Variants in SOBP observed in about 807,000 individuals in gnomAD.
The protein encoded by SOBP is sine oculis binding protein homolog.
SOBP carries 4 observed loss-of-function variants against 53.6 expected under a neutral mutation model. The ratio of observed to expected loss-of-function variants is 0.07; its 90% CI spans 0.04 to 0.17. SOBP has a LOEUF of 0.17. Among genes scored for constraint, SOBP ranks in the 10% least tolerant of loss-of-function variants. The pLI, the probability that SOBP is intolerant of heterozygous loss-of-function variation, is 1.00. For missense variants in SOBP, 1,088 were observed against 1,204.7 expected, an observed-to-expected ratio of 0.90 and a Z score of 1.43; for synonymous variants, 584 against 522.6, an observed-to-expected ratio of 1.12 and a Z score of -1.60.
At chr6:107,529,192 G>T (rs1783750182) in intron 3 of SOBP, among the ~76,000 whole-genome samples, 2 of 152,212 alleles carry the variant, frequency 1.3e-5, no homozygotes, top group South Asian at 4.1e-4. Context: ...GTTTGGAATT[G>T]AATTATTTCA....
In SOBP at chr6:107,599,002, A is replaced by G. The variant is rs543335898; in HGVS notation, c.669+11827A>G. Reference sequence around the variant, plus strand: ...CCAGAGTGATTCAGGGATCAGTACGATTTAAACTACACAAATGCAAAGTAG... The same window carrying G: ...CCAGAGTGATTCAGGGATCAGTACGGTTTAAACTACACAAATGCAAAGTAG... On this transcript the variant is annotated intron_variant, in intron 5 of 6. Transcript: ENST00000317357. Among the ~76,000 whole-genome samples, 38 of 152,316 alleles carry G rather than the reference A, an allele frequency of 2.5e-4. No individual in the cohort carries two copies. The South Asian group carries it at 7.5e-3, about 30-fold the overall frequency.
intron 1 of SOBP, among the ~76,000 whole-genome samples, chr6:107,500,607 C>T (rs1034993251): frequency 1.4e-4 from 21 of 151,596 alleles, no homozygotes; most frequent in Admixed American, 2.0e-4. Context: ...CTGCAAGCTC[C>T]GCCTCCCGGG....
intron 5 of SOBP, among the ~76,000 whole-genome samples, chr6:107,593,328 C>T (rs1562087333): frequency 6.6e-6 from 1 of 152,198 alleles, no homozygotes; most frequent in Non-Finnish European, 1.5e-5. Context: ...CTTGATTTGG[C>T]AGGCTCTCCT....
intron 4 of SOBP, among the ~76,000 whole-genome samples, chr6:107,557,549 G>A (rs190910640): frequency 6.6e-6 from 1 of 152,330 alleles, no homozygotes; most frequent in East Asian, 1.9e-4. Flanking sequence ...CTGTATATCA[G>A]ACTCGGTCAA....
chr6:107,537,833 AAAAAGATCG>A (rs1220904467), intron 4 of SOBP, among the ~76,000 whole-genome samples: 1 of 152,018 alleles, frequency 6.6e-6, no homozygotes, highest in East Asian at 1.9e-4. Context: ...AAAAAAAAAA[AAAAAGATCG>A]AAATACTTCT....
chr6:107,532,915 G>A (rs965649884), intron 3 of SOBP, among the ~76,000 whole-genome samples: 3 of 152,134 alleles, frequency 2.0e-5, no homozygotes, highest in Non-Finnish European at 2.9e-5. Context: ...TTGACTAAAC[G>A]TGTTGCTTGG....
chr6:107,522,781 C>T lies in SOBP; in HGVS notation c.422-10678C>T, dbSNP rs1783552316. 2.0e-5 allele frequency among the ~76,000 whole-genome samples: 3 copies of T among 151,908 alleles called. No individual in the cohort carries two copies. The South Asian group carries it at 6.2e-4, about 32-fold the overall frequency. ...CTGGTCTCAAACTCCTGGGCTCAAG[C>T]AGTCCACATGCTTTGGCCCCAGAAA... On this transcript the variant is annotated intron_variant, in intron 3 of 6. Coordinates refer to ENST00000317357, the MANE Select transcript of SOBP (RefSeq NM_018013.4).
chr6:107,655,549 G>A (rs777090604), intron 6 of SOBP, among the ~76,000 whole-genome samples: 5 of 152,184 alleles, frequency 3.3e-5, no homozygotes, highest in East Asian at 1.9e-4. Flanking sequence ...AATAAGCTTC[G>A]TGTGAGCAAG....
At chr6:107,584,447 C>T (rs376404241) in intron 4 of SOBP, among the ~76,000 whole-genome samples, 9 of 152,136 alleles carry the variant, frequency 5.9e-5, no homozygotes, top group African/African-American at 1.2e-4. Context: ...CACAAATACA[C>T]GTGAAGGTGA....
In SOBP at chr6:107,506,331, A is replaced by C. The variant is rs1266082726; in HGVS notation, c.325A>C (p.Asn109His). The C allele has an allele frequency of 6.2e-7, 1 of 1,614,172 alleles. No individual in the cohort carries two copies. Among genetic ancestry groups the C allele is most frequent in the East Asian group, 2.2e-5 (1 of 44,874 alleles). ...STGYSGLATG[N>H]GLSDSPAGSK... is the part of the protein sequence containing the mutation. ...AGGCTATTCAGGGCTTGCCACTGGAAATGGACTCAGTGACTCACCTGCAGG... is the reference window on the plus strand; with the variant it reads ...AGGCTATTCAGGGCTTGCCACTGGACATGGACTCAGTGACTCACCTGCAGG... Residue 109 changes from asparagine (N) to histidine (H), a missense_variant, in exon 3 of 7, where the codon AAT (asparagine) becomes CAT (histidine). Asn to His is a moderately conservative substitution (Grantham distance 68). This residue lies in a region of SOBP where 112 missense variants were observed against 117.9 expected (regional missense o/e 0.95). Coordinates refer to ENST00000317357, the MANE Select transcript of SOBP (RefSeq NM_018013.4).
At chr6:107,649,335 A>G (rs1562127159) in intron 6 of SOBP, among the ~76,000 whole-genome samples, 1 of 151,974 alleles carries the variant, frequency 6.6e-6, no homozygotes, top group Non-Finnish European at 1.5e-5. Context: ...TCAGAAAAAA[A>G]TTAGCCAGGC....
chr6:107,607,584 T>C (rs1227230501), intron 5 of SOBP, among the ~76,000 whole-genome samples: 3 of 152,198 alleles, frequency 2.0e-5, no homozygotes, highest in Non-Finnish European at 2.9e-5. Flanking sequence ...CTAGCACTTA[T>C]CAAACTGAAT....
intron 6 of SOBP, among the ~76,000 whole-genome samples, chr6:107,641,742 A>G (rs925168672): frequency 6.6e-6 from 1 of 152,190 alleles, no homozygotes; most frequent in African/African-American, 2.4e-5. Flanking sequence ...ACCATGTTCA[A>G]TCATTTACAC....
chr6:107,624,514 C>T (rs1367897342), intron 5 of SOBP, among the ~76,000 whole-genome samples: 1 of 152,172 alleles, frequency 6.6e-6, no homozygotes. Context: ...TGCTGGGAGA[C>T]CCTGGCAAAC....
In SOBP at chr6:107,505,969, A is replaced by G. The variant is rs563449355; in HGVS notation, c.236-273A>G. On this transcript the variant is annotated intron_variant, in intron 2 of 6. Transcript: ENST00000317357. ...CCCAGCCACCACCTCTCAATTTTCT[A>G]TGGAATTTTACAGTGCTAAAATTTA... Among the ~76,000 whole-genome samples, 19 of 152,130 alleles carry G rather than the reference A, an allele frequency of 1.2e-4. 1 individual carries two copies. The highest frequency in any genetic ancestry group is 2.4e-4 in the Non-Finnish European group (16 of 68,026).
At chr6:107,512,636 A>G (rs1019022243) in intron 3 of SOBP, among the ~76,000 whole-genome samples, 7 of 152,254 alleles carry the variant, frequency 4.6e-5, no homozygotes, top group African/African-American at 1.7e-4. Context: ...TTCTGGTCAA[A>G]GTAGCCAGGG....
rs181790942 is a variant in SOBP at position 107,517,702 on chromosome 6, C to A, written c.421+11275C>A. On this transcript the variant is annotated intron_variant, in intron 3 of 6. Transcript: ENST00000317357. ...TGTATGTTGATTCTCTACTTCACAT[C>A]ATTCATAACAAATTGTAGATGGATT... Among the ~76,000 whole-genome samples, 3 of 152,284 alleles carry A rather than the reference C, an allele frequency of 2.0e-5. No individual in the cohort carries two copies. In the East Asian group the frequency reaches 5.8e-4, roughly 29 times the overall value.
chr6:107,563,949 A>C lies in SOBP; in HGVS notation c.574-23131A>C, dbSNP rs866325393. Among the ~76,000 whole-genome samples, 4 of 152,324 alleles carry C rather than the reference A, an allele frequency of 2.6e-5. No homozygotes were observed. In the South Asian group the frequency reaches 6.2e-4, roughly 24 times the overall value. ...TAGGGTTGCGGAGCCTCTCTGGAAC[A>C]CTTCCAAAGGCAGGAACTAGTATCC... is the stretch of plus-strand genomic sequence containing the variant. On this transcript the variant is annotated intron_variant, in intron 4 of 6. Transcript: ENST00000317357.
At chr6:107,586,070 C>A (rs1222262337) in intron 4 of SOBP, among the ~76,000 whole-genome samples, 2 of 152,226 alleles carry the variant, frequency 1.3e-5, no homozygotes, top group Non-Finnish European at 2.9e-5. Flanking sequence ...CTGTGCGGCT[C>A]TCCCTGTGTT....
Sources: gnomAD v4.1 joint callset for allele counts (sites outside exome capture counted in the v4.1 genomes callset) on GRCh38, gnomAD v4.1.1 for gene constraint, gnomAD v4.1.1 regional missense constraint, MANE v1.5 for transcripts, NCBI Gene and HGNC (gene_info 2026-07-23, HGNC 2026-07-21) for gene names.